Variants in IL19 observed in about 807,000 individuals in gnomAD.
The protein encoded by IL19 is interleukin-19.
A neutral mutation model predicts 19.5 loss-of-function variants in IL19; 15 were observed. The ratio of observed to expected loss-of-function variants is 0.77; its 90% confidence interval spans 0.52 to 1.19. The LOEUF (loss-of-function observed/expected upper bound fraction) is 1.19, where lower values mean the gene tolerates loss of function less well. Among genes scored for constraint, IL19 ranks in the 50% most tolerant of loss-of-function variants. The pLI is 0.00. For missense variants in IL19, 199 were observed against 213.1 expected (o/e 0.93, Z 0.41); for synonymous variants, 78 against 78.3 (o/e 1.00, Z 0.02).
Position 206,842,701 on chromosome 1 carries a change from G to C in IL19, c.*79G>C, listed in dbSNP as rs1677059299. The C allele has an allele frequency of 1.2e-6, 1 of 829,790 alleles. No homozygotes were observed. 51.4% of individuals were successfully genotyped at this position (829,790 alleles called of 1,614,324 possible). ...TGTGGGAGACAGCCCACCTTGAAGGGGAAGGAGATGGGGAAGGCCCCTTGC... is the reference window on the plus strand; with the variant it reads ...TGTGGGAGACAGCCCACCTTGAAGGCGAAGGAGATGGGGAAGGCCCCTTGC... On this transcript the variant is annotated 3_prime_UTR_variant, in exon 7 of 7. Coordinates refer to ENST00000659997, the MANE Select transcript of IL19 (RefSeq NM_153758.5).
At position 206,798,917 on chromosome 1, in the gene IL19, C is replaced by T. The variant is rs143483780; in HGVS notation, c.-92C>T. 114 of 1,613,358 alleles carry T rather than the reference C, an allele frequency of 7.1e-5. 1 individual carries two copies. The East Asian group carries it at 8.9e-4, about 13-fold the overall frequency. ...AGAATGTGCACTGAGGGAGCGTTTC[C>T]GCACAGATCTGCGTGTTCCTTACCA... On this transcript the variant is annotated 5_prime_UTR_variant, in exon 2 of 7. Coordinates refer to ENST00000659997, the MANE Select transcript of IL19 (RefSeq NM_153758.5).
At chr1:206,818,098 A>G (rs756426365) in intron 2 of IL19, among the ~76,000 whole-genome samples, 8 of 152,230 alleles carry the variant, frequency 5.3e-5, no homozygotes, top group Non-Finnish European at 8.8e-5. Context: ...CCATTTCTCA[A>G]TAATCCATAG....
chr1:206,840,997 A>G lies in IL19; in HGVS notation c.364-7A>G. On this transcript the variant is annotated splice_polypyrimidine_tract_variant and splice_region_variant and intron_variant, in intron 5 of 6. Coordinates refer to ENST00000659997, the MANE Select transcript of IL19 (RefSeq NM_153758.5). ...CTCTGATAGGAGCTTCCTCCACTTT[A>G]TCACAGCAGGAACAGAGGCAGTGTC... The G allele has an allele frequency of 6.2e-7, 1 of 1,613,268 alleles. No individual in the cohort carries two copies.
rs2102441015 is a variant in IL19, at chr1:206,772,336, G to T, written c.-149+1258G>T. On this transcript the variant is annotated intron_variant, in intron 1 of 6. Transcript: ENST00000659997. ...CGAAGCATGTTAGGCAGGTTGCCTG[G>T]GAAGTGGGTGCAGCTGTTCTCAGAC... is the stretch of plus-strand genomic sequence containing the variant. The T allele has an allele frequency of 8.7e-6, 14 of 1,614,232 alleles. No homozygotes were observed. Among genetic ancestry groups the T allele is most frequent in the Non-Finnish European group, 1.2e-5 (14 of 1,180,032 alleles).
At chr1:206,790,249 A>G (rs971044613) in intron 1 of IL19, among the ~76,000 whole-genome samples, 11 of 152,078 alleles carry the variant, frequency 7.2e-5, no homozygotes, top group Admixed American at 7.2e-4. Flanking sequence ...GTAAGGTGGT[A>G]TCTCATTGTG....
chr1:206,801,509 C>T (rs537992342), intron 2 of IL19, among the ~76,000 whole-genome samples: 1 of 152,254 alleles, frequency 6.6e-6, no homozygotes, highest in African/African-American at 2.4e-5. Context: ...AACTGCCTAT[C>T]TCAGACCTCT....
chr1:206,825,814 A>G (rs1676423559), intron 2 of IL19, among the ~76,000 whole-genome samples: 1 of 152,234 alleles, frequency 6.6e-6, no homozygotes, highest in African/African-American at 2.4e-5. Context: ...TGCCTTTGGA[A>G]GGTCTCATTC....
chr1:206,832,862 A>T (rs1676654730), intron 2 of IL19, among the ~76,000 whole-genome samples: 1 of 152,190 alleles, frequency 6.6e-6, no homozygotes, highest in Non-Finnish European at 1.5e-5. Context: ...ACCACAAGAC[A>T]TCAAGTCCCT....
intron 2 of IL19, among the ~76,000 whole-genome samples, chr1:206,803,032 A>G (rs1675757466): frequency 6.6e-6 from 1 of 152,168 alleles, no homozygotes; most frequent in Admixed American, 6.5e-5. Flanking sequence ...TCAGTCCCAA[A>G]TGGGTAAAGT....
At chr1:206,841,248 T>C (rs1175145283) in intron 6 of IL19, among the ~76,000 whole-genome samples, 170 bp downstream of exon 6, 1 of 152,194 alleles carries the variant, frequency 6.6e-6, no homozygotes, top group Non-Finnish European at 1.5e-5. Context: ...TTTACCTCAT[T>C]TGCTAATCTC....
intron 1 of IL19, among the ~76,000 whole-genome samples, chr1:206,796,223 T>G (rs4845134): frequency 0.45 from 68,121 of 151,490 alleles, 15,753 homozygotes; most frequent in East Asian, 0.7. Flanking sequence ...TGTTCTACTG[T>G]TACGCTTTGT....
At chr1:206,784,204 C>T (rs1043423474) in intron 1 of IL19, among the ~76,000 whole-genome samples, 2 of 152,094 alleles carry the variant, frequency 1.3e-5, no homozygotes, top group Non-Finnish European at 2.9e-5. Context: ...ATCCCTTGGC[C>T]TTGCTTTCCG....
At chr1:206,817,761 CTTT>C (rs373441723) in intron 2 of IL19, among the ~76,000 whole-genome samples, 1 of 139,776 alleles carries the variant, frequency 7.2e-6, no homozygotes. Flanking sequence ...TAGAAGATTT[CTTT>C]TTTTTTTTTT....
intron 2 of IL19, among the ~76,000 whole-genome samples, chr1:206,803,127 C>CT (rs1250391588): frequency 6.6e-6 from 1 of 152,212 alleles, no homozygotes; most frequent in Non-Finnish European, 1.5e-5. Context: ...TTCAAAACAT[C>CT]TTTTTGTGGG....
chr1:206,799,304 A>G (rs1241724455), intron 2 of IL19, among the ~76,000 whole-genome samples: 1 of 152,142 alleles, frequency 6.6e-6, no homozygotes, highest in Non-Finnish European at 1.5e-5. Context: ...GTCATGGCCC[A>G]TTTCTTCACA....
In IL19 at chr1:206,837,523, T is replaced by C. The variant is rs181627496; in HGVS notation, c.210+500T>C. Among the ~76,000 whole-genome samples, 36 of 152,154 alleles carry C rather than the reference T, an allele frequency of 2.4e-4. 1 individual carries two copies. The Middle Eastern group carries it at 0.014, about 58-fold the overall frequency. ...ATACCCTGGAGTCATTTTATAAAGG[T>C]CCCTGGAGCCAGGCTGAGCCTCAGG... On this transcript the variant is annotated intron_variant, in intron 4 of 6. Coordinates refer to ENST00000659997, the MANE Select transcript of IL19 (RefSeq NM_153758.5).
intron 1 of IL19, among the ~76,000 whole-genome samples, chr1:206,788,866 C>T (rs1317464061): frequency 1.3e-5 from 2 of 152,124 alleles, no homozygotes; most frequent in Non-Finnish European, 2.9e-5. Flanking sequence ...GATAGATGAC[C>T]CTTGATATCT....
chr1:206,821,399 G>T (rs1676286361), intron 2 of IL19, among the ~76,000 whole-genome samples: 2 of 152,212 alleles, frequency 1.3e-5, no homozygotes, highest in African/African-American at 4.8e-5. Flanking sequence ...AGCATTTGTT[G>T]TTGCTATTAT....
intron 1 of IL19, among the ~76,000 whole-genome samples, chr1:206,794,340 CTA>C (rs1010192043): frequency 6.6e-6 from 1 of 152,178 alleles, no homozygotes; most frequent in African/African-American, 2.4e-5. Flanking sequence ...TTATTTCACT[CTA>C]TTTCTGTCTA....
Sources: allele counts gnomAD v4.1 joint callset (sites outside exome capture counted in the v4.1 genomes callset), GRCh38; gene constraint gnomAD v4.1.1; transcripts MANE v1.5; gene names NCBI Gene and HGNC (gene_info 2026-07-23, HGNC 2026-07-21).